SCLT1: variants seen among roughly 807,000 people sequenced by gnomAD.
SCLT1 encodes the protein sodium channel-associated protein 1.
Under a neutral mutation model 112.8 loss-of-function variants are expected in SCLT1, and 78 were observed. The ratio of observed to expected loss-of-function variants is 0.69; its 90% CI spans 0.58 to 0.83. The LOEUF (loss-of-function observed/expected upper bound fraction) is 0.83. SCLT1 is among the 40% of genes least tolerant of loss of function. SCLT1 has a pLI of 0.00. For synonymous variants in SCLT1, 257 were observed against 254.7 expected (o/e 1.01, Z -0.09); for missense variants, 747 against 770.4 (o/e 0.97, Z 0.36).
chr4:129,069,013 C>T (rs778781310), intron 2 of SCLT1, among the ~76,000 whole-genome samples: 5 of 152,108 alleles, frequency 3.3e-5, no homozygotes, highest in Admixed American at 1.3e-4. Context: ...TATCCCTGCA[C>T]GATTTGTTGA....
At chr4:128,967,880 T>C (rs1214850609) in intron 10 of SCLT1, among the ~76,000 whole-genome samples, 1 of 152,204 alleles carries the variant, frequency 6.6e-6, no homozygotes. Flanking sequence ...ATTTTTGCTT[T>C]TTGTTGGAAT....
chr4:128,898,943 T>C (rs200548770), intron 18 of SCLT1, among the ~76,000 whole-genome samples: 1 of 152,150 alleles, frequency 6.6e-6, no homozygotes, highest in Non-Finnish European at 1.5e-5. Flanking sequence ...ATAAATTCCT[T>C]GACACATACA....
intron 14 of SCLT1, among the ~76,000 whole-genome samples, chr4:128,949,961 T>C (rs896653946): frequency 2.8e-5 from 3 of 106,030 alleles, no homozygotes; most frequent in Non-Finnish European, 5.5e-5. Context: ...TTTCAATATG[T>C]TTTTAAATTT....
At chr4:129,033,706 C>A (rs1258574647) in intron 5 of SCLT1, among the ~76,000 whole-genome samples, 1 of 151,752 alleles carries the variant, frequency 6.6e-6, no homozygotes, top group African/African-American at 2.4e-5. Context: ...ACATTCAAGG[C>A]AGAAGAAACA....
chr4:128,915,488 C>T (rs1194057948), intron 18 of SCLT1, among the ~76,000 whole-genome samples: 1 of 152,186 alleles, frequency 6.6e-6, no homozygotes, highest in Non-Finnish European at 1.5e-5. Context: ...GAATCAATAG[C>T]ATTTTCAAGT....
chr4:129,042,744 GCTCAAGCAATT>G (rs1301667607), intron 4 of SCLT1, among the ~76,000 whole-genome samples: 3 of 152,142 alleles, frequency 2.0e-5, no homozygotes, highest in African/African-American at 7.2e-5. Context: ...CTCCCAGGCT[GCTCAAGCAATT>G]CTCTCACTTC....
intron 2 of SCLT1, among the ~76,000 whole-genome samples, chr4:129,058,511 T>G (rs1303163788): frequency 1.3e-5 from 2 of 152,190 alleles, no homozygotes; most frequent in African/African-American, 4.8e-5. Context: ...TCCATGTATA[T>G]GTACAGTTTC....
intron 18 of SCLT1, among the ~76,000 whole-genome samples, chr4:128,897,156 T>G (rs1733838765): frequency 6.6e-6 from 1 of 152,042 alleles, no homozygotes; most frequent in South Asian, 2.1e-4. Flanking sequence ...ACGTTCATAT[T>G]CAGGAAATAC....
chr4:128,916,306 T>C (rs909067802), intron 18 of SCLT1, among the ~76,000 whole-genome samples: 1 of 152,234 alleles, frequency 6.6e-6, no homozygotes, highest in African/African-American at 2.4e-5. Flanking sequence ...TTGCAGTTAA[T>C]ATATATCATT....
intron 9 of SCLT1, among the ~76,000 whole-genome samples, chr4:128,987,486 A>G (rs1490340503): frequency 1.3e-5 from 2 of 152,238 alleles, no homozygotes; most frequent in African/African-American, 4.8e-5. Flanking sequence ...CCCATCAGAA[A>G]TTTGACAAAG....
At chr4:128,896,316 T>C (rs1378450660) in intron 18 of SCLT1, among the ~76,000 whole-genome samples, 1 of 152,146 alleles carries the variant, frequency 6.6e-6, no homozygotes, top group Non-Finnish European at 1.5e-5. Flanking sequence ...GGTGCTCCTC[T>C]GAGACAAAAT....
Position 129,055,999 on chromosome 4 carries a change from G to A in SCLT1, c.103-11948C>T, listed in dbSNP as rs182302911. ...GTGGGAAAAGCATAGTATCTGGGCC[G>A]AATAGCACAGTCCCTCATGGCTTCC... On this transcript the variant is annotated intron_variant, in intron 2 of 20. Coordinates refer to ENST00000281142, the MANE Select transcript of SCLT1 (RefSeq NM_144643.4). Among the ~76,000 whole-genome samples, 18 of 152,272 alleles carry A rather than the reference G, an allele frequency of 1.2e-4. No homozygotes were observed. The East Asian group carries it at 2.9e-3, about 25-fold the overall frequency.
intron 2 of SCLT1, among the ~76,000 whole-genome samples, chr4:129,060,291 T>A (rs1749840450): frequency 6.6e-6 from 1 of 152,222 alleles, no homozygotes; most frequent in Admixed American, 6.5e-5. Context: ...GTTACCTTAG[T>A]ATCATTACAT....
chr4:129,013,517 T>C (rs187202398), intron 5 of SCLT1, among the ~76,000 whole-genome samples: 1 of 152,212 alleles, frequency 6.6e-6, no homozygotes, highest in East Asian at 1.9e-4. Flanking sequence ...GTAATGAAAT[T>C]CCTCAGCATT....
chr4:129,045,086 C>T (rs1748063301), intron 2 of SCLT1, among the ~76,000 whole-genome samples: 1 of 151,890 alleles, frequency 6.6e-6, no homozygotes, highest in South Asian at 2.1e-4. Flanking sequence ...GCTGCTAGCA[C>T]ATACTAAATG....
chr4:128,983,195 A>C (rs1399615606), intron 9 of SCLT1, among the ~76,000 whole-genome samples: 1 of 152,166 alleles, frequency 6.6e-6, no homozygotes, highest in Non-Finnish European at 1.5e-5. Context: ...GCCACTACTT[A>C]GTCTTTATAG....
chr4:128,876,291 T>C (rs1280418240), intron 4 of SCLT1, among the ~76,000 whole-genome samples: 1 of 152,222 alleles, frequency 6.6e-6, no homozygotes, highest in Non-Finnish European at 1.5e-5. Flanking sequence ...TTTACTTCCA[T>C]ATTGCTTGCT....
chr4:129,093,171 T>C lies in SCLT1; in HGVS notation c.-68A>G. 6.7e-7 allele frequency: 1 copy of C among 1,497,060 alleles called. No homozygotes were observed. The highest frequency in any genetic ancestry group is 9.3e-7 in the Non-Finnish European group (1 of 1,074,430). 92.7% of individuals were successfully genotyped at this position (1,497,060 alleles called of 1,614,324 possible). On this transcript the variant is annotated 5_prime_UTR_variant, in exon 1 of 21. Coordinates refer to ENST00000281142, the MANE Select transcript of SCLT1 (RefSeq NM_144643.4). ...CCTCTGAAAGACAGAGAGCTTGCTG[T>C]GCGGGAAAACAAAACTAAGCCAACG...
chr4:129,077,789 T>TA (rs762149235), intron 2 of SCLT1, among the ~76,000 whole-genome samples: 16 of 151,794 alleles, frequency 1.1e-4, no homozygotes, highest in Non-Finnish European at 1.9e-4. Flanking sequence ...TAAAACAAAA[T>TA]AAAAAAAGAA....
Sources: gnomAD v4.1 joint callset for allele counts (sites outside exome capture counted in the v4.1 genomes callset) on GRCh38, gnomAD v4.1.1 for gene constraint, MANE v1.5 for transcripts, NCBI Gene and HGNC (gene_info 2026-07-23, HGNC 2026-07-21) for gene names.